PLCL1: variants seen among roughly 807,000 people sequenced by gnomAD.
PLCL1 encodes phospholipase C like 1 (inactive).
Under a neutral mutation model 84.4 loss-of-function variants are expected in PLCL1, and 41 were observed. That is an observed-to-expected ratio of 0.49 (90% CI 0.38 to 0.63). The LOEUF (loss-of-function observed/expected upper bound fraction) is 0.63. Ranked by LOEUF, PLCL1 falls within the 30% of genes least tolerant of loss-of-function variation. PLCL1 has a pLI of 0.00. For synonymous variants in PLCL1, 490 were observed against 488.3 expected, an observed-to-expected ratio of 1.00 and a Z score of -0.05; for missense variants, 1,206 against 1,367.8, an observed-to-expected ratio of 0.88 and a Z score of 1.87.
chr2:198,036,622 G>C (rs542641034), intron 1 of PLCL1, among the ~76,000 whole-genome samples: 1 of 152,134 alleles, frequency 6.6e-6, no homozygotes, highest in East Asian at 1.9e-4. Context: ...GTTGAGAATT[G>C]ACCTAAGCTG....
At chr2:197,914,141 C>T (rs1208438639) in intron 1 of PLCL1, among the ~76,000 whole-genome samples, 1 of 152,020 alleles carries the variant, frequency 6.6e-6, no homozygotes, top group Non-Finnish European at 1.5e-5. Flanking sequence ...GAGTATGGAT[C>T]CCCAATTAGG....
intron 1 of PLCL1, among the ~76,000 whole-genome samples, chr2:197,907,706 C>A (rs1258447994): frequency 6.6e-6 from 1 of 152,176 alleles, no homozygotes; most frequent in East Asian, 1.9e-4. Flanking sequence ...ATTGTAACTA[C>A]CCTAGTGCAT....
At chr2:198,077,214 G>C (rs1377820468) in intron 1 of PLCL1, among the ~76,000 whole-genome samples, 3 of 152,040 alleles carry the variant, frequency 2.0e-5, no homozygotes, top group Non-Finnish European at 4.4e-5. Context: ...CATGGCAGCA[G>C]TTTGGGTCTC....
At chr2:198,036,404 G>A (rs1691551198) in intron 1 of PLCL1, among the ~76,000 whole-genome samples, 1 of 152,206 alleles carries the variant, frequency 6.6e-6, no homozygotes, top group Non-Finnish European at 1.5e-5. Context: ...AGATGCTAGA[G>A]AAGTTTGCTA....
chr2:197,824,897 G>A (rs1233515970), intron 1 of PLCL1, among the ~76,000 whole-genome samples: 1 of 152,034 alleles, frequency 6.6e-6, no homozygotes, highest in African/African-American at 2.4e-5. Flanking sequence ...GTAATGACTG[G>A]TCTTAAAATA....
rs545416831 is a variant in PLCL1, at chr2:198,046,605, A to G, written c.241-37153A>G. Reference sequence around the variant, plus strand: ...GTAATCCCAGCAGTTTGGGAGGCCCAGGCAGGTGGATCACTTGAGCTCAGG... The same window carrying G: ...GTAATCCCAGCAGTTTGGGAGGCCCGGGCAGGTGGATCACTTGAGCTCAGG... On this transcript the variant is annotated intron_variant, in intron 1 of 5. Transcript: ENST00000428675. Among the ~76,000 whole-genome samples, 3 of 152,330 alleles carry G rather than the reference A, an allele frequency of 2.0e-5. No homozygotes were observed. In the South Asian group the frequency reaches 6.2e-4, roughly 32 times the overall value.
chr2:198,046,324 A>G (rs920687108), intron 1 of PLCL1, among the ~76,000 whole-genome samples: 1 of 152,208 alleles, frequency 6.6e-6, no homozygotes, highest in Non-Finnish European at 1.5e-5. Context: ...ACCTGATGGT[A>G]TACTATTGTT....
At chr2:197,903,993 G>T in intron 1 of PLCL1, among the ~76,000 whole-genome samples, 1 of 150,720 alleles carries the variant, frequency 6.6e-6, no homozygotes, top group Non-Finnish European at 1.5e-5. Flanking sequence ...AGTAGAGACG[G>T]TGTTTCACCA....
intron 1 of PLCL1, among the ~76,000 whole-genome samples, chr2:197,808,657 A>G (rs893020981): frequency 2.6e-5 from 4 of 152,150 alleles, no homozygotes; most frequent in Non-Finnish European, 4.4e-5. Flanking sequence ...TACATTTTAT[A>G]TTAATCAAAA....
chr2:198,080,976 T>A (rs767578927), intron 1 of PLCL1, among the ~76,000 whole-genome samples: 2 of 152,192 alleles, frequency 1.3e-5, no homozygotes, highest in Non-Finnish European at 2.9e-5. Flanking sequence ...AGGGAATGTC[T>A]TGATTTAAGG....
chr2:197,804,938 A>G lies in PLCL1; in HGVS notation c.-162A>G. ...GCCCGAGCGATGTCCCCTCTCCAGA[A>G]AGTTGCCGCCGCCGCCGCCGCCGCC... On this transcript the variant is annotated 5_prime_UTR_variant, in exon 1 of 6. Transcript: ENST00000428675. The G allele has an allele frequency of 1.5e-6, 1 of 664,620 alleles. No homozygotes were observed. The highest frequency in any genetic ancestry group is 2.3e-6 in the Non-Finnish European group (1 of 435,418). The allele number at this position is 664,620 out of a possible 1,614,324, so 41.2% of individuals were successfully genotyped here.
chr2:197,980,107 G>A (rs1690072054), intron 1 of PLCL1, among the ~76,000 whole-genome samples: 1 of 152,150 alleles, frequency 6.6e-6, no homozygotes, highest in African/African-American at 2.4e-5. Flanking sequence ...CTCTGTGTGT[G>A]GGAATGCAGA....
intron 5 of PLCL1, among the ~76,000 whole-genome samples, chr2:198,104,158 C>T (rs1173046810): frequency 6.6e-6 from 1 of 151,760 alleles, no homozygotes; most frequent in African/African-American, 2.4e-5. Flanking sequence ...ACCTAGTATG[C>T]AATAGGTAGT....
At chr2:198,061,183 T>A (rs1422919666) in intron 1 of PLCL1, among the ~76,000 whole-genome samples, 1 of 152,236 alleles carries the variant, frequency 6.6e-6, no homozygotes, top group Non-Finnish European at 1.5e-5. Context: ...GGAGTGAAAG[T>A]AATGATTACT....
chr2:197,929,519 T>A (rs887423138), intron 1 of PLCL1, among the ~76,000 whole-genome samples: 1 of 152,204 alleles, frequency 6.6e-6, no homozygotes, highest in Non-Finnish European at 1.5e-5. Context: ...CACAGTGACT[T>A]AGTGGGATTC....
intron 5 of PLCL1, among the ~76,000 whole-genome samples, chr2:198,123,954 AG>A (rs963727857): frequency 3.9e-5 from 6 of 152,012 alleles, no homozygotes; most frequent in African/African-American, 7.2e-5. Context: ...GGTGCCAAAA[AG>A]GTTGGGGACC....
At chr2:197,984,501 C>G (rs1254307083) in intron 1 of PLCL1, among the ~76,000 whole-genome samples, 5 of 152,126 alleles carry the variant, frequency 3.3e-5, no homozygotes, top group Admixed American at 6.5e-5. Context: ...TAAATATGCT[C>G]TACTAGATCC....
chr2:197,830,097 C>G (rs943496841), intron 1 of PLCL1, among the ~76,000 whole-genome samples: 2 of 152,094 alleles, frequency 1.3e-5, no homozygotes, highest in African/African-American at 4.8e-5. Flanking sequence ...ATTCCAAAAA[C>G]CAGAATGCCC....
intron 3 of PLCL1, among the ~76,000 whole-genome samples, chr2:198,094,184 C>A (rs1693130740): frequency 6.6e-6 from 1 of 152,114 alleles, no homozygotes; most frequent in Non-Finnish European, 1.5e-5. Context: ...GCCTCCGCCT[C>A]CCCAGTAGCT....
Sources: allele counts gnomAD v4.1 joint callset (sites outside exome capture counted in the v4.1 genomes callset), GRCh38; gene constraint gnomAD v4.1.1; transcripts MANE v1.5; gene names NCBI Gene and HGNC (gene_info 2026-07-23, HGNC 2026-07-21).